The following COL23A1 variants were observed in gnomAD, a reference collection of about 807,000 sequenced individuals.
The protein encoded by COL23A1 is collagen alpha-1(XXIII) chain.
COL23A1 carries 97 observed loss-of-function variants against 99.3 expected under a neutral mutation model. The ratio of observed to expected loss-of-function variants is 0.98; its 90% CI spans 0.83 to 1.16. The LOEUF (loss-of-function observed/expected upper bound fraction) is 1.16. Among genes scored for constraint, COL23A1 ranks in the 50% most tolerant of loss-of-function variants. The pLI, the probability that COL23A1 is intolerant of heterozygous loss-of-function variation, is 0.00. For missense variants in COL23A1, 762 were observed against 757.4 expected, an observed-to-expected ratio of 1.01 and a Z score of -0.07; for synonymous variants, 320 against 308.2, an observed-to-expected ratio of 1.04 and a Z score of -0.40.
chr5:178,255,917 T>C lies in COL23A1; in HGVS notation c.882+436A>G. The C allele has an allele frequency of 3.4e-6, 1 of 292,898 alleles. No individual in the cohort carries two copies. Among genetic ancestry groups the C allele is most frequent in the Non-Finnish European group, 7.3e-6 (1 of 137,792 alleles). 18.1% of individuals were successfully genotyped at this position (292,898 alleles called of 1,614,324 possible). A position where few individuals can be genotyped will look rare whatever the true frequency, so the allele number is the denominator to read the frequency against. On this transcript the variant is annotated intron_variant, in intron 15 of 28. Coordinates refer to ENST00000390654, the MANE Select transcript of COL23A1 (RefSeq NM_173465.4). This position sits in a 1 kb window ranked among gnomAD's most constrained non-coding sequence, Gnocchi z 4.2. ...AAAGGTAAGGTATGTTGATAGGGGCTGGTCACAAAAGATCTGGGGCAGGCT... is the reference window on the plus strand; with the variant it reads ...AAAGGTAAGGTATGTTGATAGGGGCCGGTCACAAAAGATCTGGGGCAGGCT...
intron 1 of COL23A1, among the ~76,000 whole-genome samples, chr5:178,573,858 CTT>C (rs34916378): frequency 6.7e-6 from 1 of 148,826 alleles, no homozygotes. Flanking sequence ...CCATAGGGTT[CTT>C]TTTTTTTTTC....
chr5:178,487,300 ATTTATTT>A (rs1296550576), intron 2 of COL23A1, among the ~76,000 whole-genome samples: 2 of 143,682 alleles, frequency 1.4e-5, no homozygotes, highest in African/African-American at 5.3e-5. Flanking sequence ...TTATTTATTT[ATTTATTT>A]ATTTATTTAT....
intron 2 of COL23A1, among the ~76,000 whole-genome samples, chr5:178,312,113 C>T (rs954623596): frequency 2.0e-5 from 3 of 152,122 alleles, no homozygotes; most frequent in Admixed American, 6.5e-5. Context: ...CAGGCAGGTT[C>T]GAGGTGCTGA....
intron 2 of COL23A1, among the ~76,000 whole-genome samples, chr5:178,537,241 G>A (rs970714791): frequency 7.9e-5 from 12 of 152,242 alleles, no homozygotes; most frequent in East Asian, 3.9e-4. Context: ...GCTTGTAGAC[G>A]TGCCATCAGG....
At chr5:178,505,140 T>C (rs1037343998) in intron 2 of COL23A1, among the ~76,000 whole-genome samples, 7 of 152,202 alleles carry the variant, frequency 4.6e-5, no homozygotes, top group Non-Finnish European at 7.3e-5. Context: ...GCCTGGCTTC[T>C]GGTGGTGTGC....
At chr5:178,588,175 G>A (rs1190091262) in intron 1 of COL23A1, among the ~76,000 whole-genome samples, 1 of 152,138 alleles carries the variant, frequency 6.6e-6, no homozygotes, top group Non-Finnish European at 1.5e-5. Flanking sequence ...CATTGTTCAA[G>A]CACTGTAGTT....
intron 1 of COL23A1, among the ~76,000 whole-genome samples, chr5:178,570,457 C>T (rs541024028): frequency 1.9e-4 from 29 of 152,216 alleles, no homozygotes; most frequent in African/African-American, 5.8e-4. Flanking sequence ...TACATATGTA[C>T]ACTATGTACA....
At chr5:178,374,751 A>T (rs1212919036) in intron 2 of COL23A1, among the ~76,000 whole-genome samples, 1 of 152,120 alleles carries the variant, frequency 6.6e-6, no homozygotes, top group Non-Finnish European at 1.5e-5. Flanking sequence ...CACGACTGGA[A>T]CCCTCATACA....
chr5:178,287,502 C>T (rs1179151574), intron 5 of COL23A1, among the ~76,000 whole-genome samples: 1 of 152,186 alleles, frequency 6.6e-6, no homozygotes, highest in Non-Finnish European at 1.5e-5. Context: ...CAGAGTGGAC[C>T]CCACGTCAAG....
chr5:178,283,483 A>G (rs974510682), intron 5 of COL23A1, among the ~76,000 whole-genome samples: 19 of 152,306 alleles, frequency 1.2e-4, no homozygotes, highest in Non-Finnish European at 2.1e-4. Context: ...GAACCTTCTG[A>G]TTATTTAATC....
At chr5:178,375,402 T>A (rs773133621) in intron 2 of COL23A1, among the ~76,000 whole-genome samples, 1 of 152,218 alleles carries the variant, frequency 6.6e-6, no homozygotes, top group East Asian at 1.9e-4. Context: ...TTGCCCTGCA[T>A]CCTGTCTTCC....
intron 2 of COL23A1, among the ~76,000 whole-genome samples, chr5:178,352,781 C>G (rs1761401804): frequency 6.6e-6 from 1 of 152,236 alleles, no homozygotes; most frequent in Non-Finnish European, 1.5e-5. Context: ...ATAACTGCCC[C>G]CCAGGGCTGC....
chr5:178,560,031 C>CCA (rs546798726), intron 2 of COL23A1, among the ~76,000 whole-genome samples: 79 of 152,320 alleles, frequency 5.2e-4, no homozygotes, highest in African/African-American at 1.8e-3. Flanking sequence ...GTGTTAGAGA[C>CCA]CACACACTGG....
chr5:178,386,295 C>T (rs1763668192), intron 2 of COL23A1, among the ~76,000 whole-genome samples: 1 of 152,058 alleles, frequency 6.6e-6, no homozygotes, highest in Non-Finnish European at 1.5e-5. Context: ...AAAAATTAGC[C>T]AGGCATGGAA....
chr5:178,358,226 GTGTGTATGTGTGTATGTGTA>G (rs1761877987), intron 2 of COL23A1, among the ~76,000 whole-genome samples: 2 of 95,200 alleles, frequency 2.1e-5, no homozygotes, highest in South Asian at 1.1e-3. Flanking sequence ...TGTGTCTAAT[GTGTGTATGTGTGTATGTGTA>G]TGTGTGTGTA....
intron 1 of COL23A1, among the ~76,000 whole-genome samples, chr5:178,577,604 C>T (rs1261479325): frequency 1.3e-5 from 2 of 152,190 alleles, no homozygotes; most frequent in African/African-American, 2.4e-5. Context: ...TCCCAGAACC[C>T]GCGCCTGCCC....
intron 2 of COL23A1, among the ~76,000 whole-genome samples, chr5:178,482,023 A>T (rs924042621): frequency 1.9e-4 from 9 of 46,996 alleles, no homozygotes; most frequent in Admixed American, 3.1e-4. Flanking sequence ...AAGTATAATT[A>T]AAAAAAAAAA....
intron 2 of COL23A1, among the ~76,000 whole-genome samples, chr5:178,503,732 T>C (rs1029874665): frequency 1.3e-5 from 2 of 152,086 alleles, no homozygotes; most frequent in Non-Finnish European, 2.9e-5. Flanking sequence ...ATAGGATATA[T>C]GGGTGTTCTT....
At chr5:178,241,816 TG>T (rs1453953158) in intron 27 of COL23A1, among the ~76,000 whole-genome samples, 4 of 152,220 alleles carry the variant, frequency 2.6e-5, no homozygotes, top group Non-Finnish European at 5.9e-5. Flanking sequence ...ACAGAGGGGC[TG>T]GGTTCCCTGA....
Sources: allele counts gnomAD v4.1 joint callset (sites outside exome capture counted in the v4.1 genomes callset), GRCh38; gene constraint gnomAD v4.1.1; non-coding constraint Gnocchi (gnomAD v3.1); transcripts MANE v1.5; gene names NCBI Gene and HGNC (gene_info 2026-07-23, HGNC 2026-07-21).